The following TANGO2 variants were observed in gnomAD, a reference collection of about 807,000 sequenced individuals.
The protein encoded by TANGO2 is transport and golgi organization 2 homolog.
TANGO2 carries 26 observed loss-of-function variants against 39.1 expected under a neutral mutation model. The ratio of observed to expected loss-of-function variants is 0.67; its 90% CI spans 0.49 to 0.92. TANGO2 has a LOEUF of 0.92. Ranked by LOEUF, TANGO2 falls within the 40% of genes least tolerant of loss-of-function variation. The pLI is 0.00. For missense variants in TANGO2, 326 were observed against 360.1 expected (o/e 0.91, Z 0.77); for synonymous variants, 131 against 144.5 (o/e 0.91, Z 0.67).
Position 20,028,527 on chromosome 22 carries a change from C to T in TANGO2, c.-40+7281C>T, listed in dbSNP as rs530221938. On this transcript the variant is annotated intron_variant, in intron 1 of 8. Coordinates refer to ENST00000327374, the MANE Select transcript of TANGO2 (RefSeq NM_152906.7). ...CCCACCAGCCTCCAGAGCTGCCAGT[C>T]GTGGCTACAGGAGACTCAGCCTTAG... Among the ~76,000 whole-genome samples the T allele has an allele frequency of 1.4e-4, 21 of 152,348 alleles. 1 individual carries two copies. The South Asian group carries it at 4.3e-3, about 32-fold the overall frequency.
upstream of TANGO2, among the ~76,000 whole-genome samples, chr22:20,017,466 C>G (rs1022418124): frequency 2.0e-5 from 3 of 152,042 alleles, no homozygotes; most frequent in Admixed American, 6.5e-5. Context: ...AGGAAGGGAC[C>G]CCCTCGGTAA....
chr22:20,063,211 GAAAC>G, intron 7 of TANGO2, 123 bp from the exon 8 acceptor site: 1 of 680,582 alleles, frequency 1.5e-6, no homozygotes, highest in Non-Finnish European at 2.6e-6. Flanking sequence ...AAGAAGAAAA[GAAAC>G]AACCCTTGCA....
chr22:20,060,903 C>A (rs931533657), intron 6 of TANGO2, among the ~76,000 whole-genome samples: 5 of 152,160 alleles, frequency 3.3e-5, no homozygotes, highest in African/African-American at 1.2e-4. Context: ...AAGTCCCTGC[C>A]CTTCACTTTC....
intron 1 of TANGO2, among the ~76,000 whole-genome samples, chr22:20,033,944 G>C (rs867715358): frequency 6.6e-6 from 1 of 152,248 alleles, no homozygotes; most frequent in Non-Finnish European, 1.5e-5. Flanking sequence ...GGTGGCTCAT[G>C]CCTGTAATCC....
chr22:20,034,065 C>T (rs866209610), intron 1 of TANGO2, among the ~76,000 whole-genome samples: 3 of 152,042 alleles, frequency 2.0e-5, no homozygotes, highest in Non-Finnish European at 2.9e-5. Context: ...ATTAGCTGGG[C>T]GTGGTGGCGC....
chr22:20,037,204 G>T, intron 2 of TANGO2: 1 of 1,274,012 alleles, frequency 7.8e-7, no homozygotes, highest in Non-Finnish European at 1.1e-6. Flanking sequence ...AGCCAGCTTG[G>T]GCTGGCGGGT....
intron 2 of TANGO2, among the ~76,000 whole-genome samples, chr22:20,039,648 A>G (rs2043528303): frequency 6.6e-6 from 1 of 151,768 alleles, no homozygotes; most frequent in Admixed American, 6.6e-5. Context: ...AAAAAACGAA[A>G]AAAAACCTGC....
intron 1 of TANGO2, among the ~76,000 whole-genome samples, chr22:20,024,722 C>T (rs918028659): frequency 2.6e-5 from 4 of 152,236 alleles, no homozygotes; most frequent in African/African-American, 9.6e-5. Flanking sequence ...GTACTAATAG[C>T]TTGCCATTCC....
chr22:20,029,445 C>A (rs1399313736), intron 1 of TANGO2, among the ~76,000 whole-genome samples: 1 of 152,198 alleles, frequency 6.6e-6, no homozygotes, highest in Non-Finnish European at 1.5e-5. Context: ...TGCAGAATTA[C>A]CAGGTTGTTA....
intron 3 of TANGO2, 32 bp downstream of exon 3, chr22:20,043,475 C>T (rs780041647): frequency 8.1e-6 from 12 of 1,486,706 alleles, no homozygotes; most frequent in Admixed American, 6.9e-5. Flanking sequence ...GCGGTGGCTG[C>T]GCCTTGTTGC....
intron 1 of TANGO2, among the ~76,000 whole-genome samples, chr22:20,028,919 A>C (rs1294807132): frequency 6.6e-6 from 1 of 152,130 alleles, no homozygotes; most frequent in Non-Finnish European, 1.5e-5. Flanking sequence ...TGTGGTGGGC[A>C]CTGAGAGCCA....
rs1223483747 is a variant in TANGO2 at position 20,064,618 on chromosome 22, T to C, written c.787T>C (p.Ser263Pro). 2 of 1,614,152 alleles carry C rather than the reference T, an allele frequency of 1.2e-6. No individual in the cohort carries two copies. The highest frequency in any genetic ancestry group is 3.3e-5 in the Admixed American group (2 of 60,014). Reference sequence around the variant, plus strand: ...GCGTAGCATGATGGACAAGGACCTCTCCCACTGGGAGACCAGAACCTATGA... The same window carrying C: ...GCGTAGCATGATGGACAAGGACCTCCCCCACTGGGAGACCAGAACCTATGA... ...TERSMMDKDL[S>P]HWETRTYEFT... Residue 263 changes from serine to proline, a missense_variant, in exon 9 of 9, where the codon TCC (serine) becomes CCC (proline). Physicochemically the swap from Ser to Pro is moderately conservative, Grantham distance 74. Coordinates refer to ENST00000327374, the MANE Select transcript of TANGO2 (RefSeq NM_152906.7).
intron 1 of TANGO2, among the ~76,000 whole-genome samples, chr22:20,029,001 G>T (rs540484333): frequency 2.6e-5 from 4 of 152,340 alleles, no homozygotes; most frequent in Non-Finnish European, 5.9e-5. Context: ...TTGTCCCCAC[G>T]CAGCCCTGGC....
chr22:20,047,191 A>G (rs906817648), intron 3 of TANGO2, among the ~76,000 whole-genome samples: 2 of 141,760 alleles, frequency 1.4e-5, no homozygotes, highest in East Asian at 4.1e-4. Context: ...CTCCCATTAG[A>G]CCCCACCTCC....
At chr22:20,044,387 G>C (rs573445490) in intron 3 of TANGO2, among the ~76,000 whole-genome samples, 3 of 152,188 alleles carry the variant, frequency 2.0e-5, no homozygotes, top group Admixed American at 6.5e-5. Context: ...TTAGCCAGGC[G>C]TGGTGGCATG....
At chr22:20,019,996 GAC>G (rs1569214064), upstream of TANGO2, among the ~76,000 whole-genome samples, 1 of 152,258 alleles carries the variant, frequency 6.6e-6, no homozygotes, top group African/African-American at 2.4e-5. Flanking sequence ...GTCCAGGTTA[GAC>G]TCTTGCCGTT....
chr22:20,064,394 T>C (rs565006813), intron 8 of TANGO2, 148 bp from the exon 9 acceptor site: 1 of 951,964 alleles, frequency 1.1e-6, no homozygotes, highest in East Asian at 2.5e-5. Flanking sequence ...TCCCCAAGAC[T>C]GAGGCTGCTG....
At chr22:20,029,467 C>A (rs2041423319) in intron 1 of TANGO2, among the ~76,000 whole-genome samples, 1 of 152,286 alleles carries the variant, frequency 6.6e-6, no homozygotes, top group South Asian at 2.1e-4. Flanking sequence ...GCTAGGGGAA[C>A]GTATGCTGGG....
chr22:20,037,906 G>A (rs565452854), intron 2 of TANGO2, among the ~76,000 whole-genome samples: 1 of 152,212 alleles, frequency 6.6e-6, no homozygotes, highest in South Asian at 2.1e-4. Flanking sequence ...GACCATCCTG[G>A]ATAACACATC....
Sources: gnomAD v4.1 joint callset for allele counts (sites outside exome capture counted in the v4.1 genomes callset) on GRCh38, gnomAD v4.1.1 for gene constraint, MANE v1.5 for transcripts, NCBI Gene and HGNC (gene_info 2026-07-23, HGNC 2026-07-21) for gene names.